IGFBP4: variants seen among roughly 807,000 people sequenced by gnomAD.
The protein encoded by IGFBP4 is insulin-like growth factor-binding protein 4.
IGFBP4 carries 9 observed loss-of-function variants against 25.8 expected under a neutral mutation model. The observed-to-expected ratio is 0.35, with a 90% CI of 0.21 to 0.61. The LOEUF (loss-of-function observed/expected upper bound fraction) is 0.61. Among genes scored for constraint, IGFBP4 ranks in the 20% least tolerant of loss-of-function variants. IGFBP4 has a pLI of 0.77. For missense variants in IGFBP4, 315 were observed against 365.3 expected, an observed-to-expected ratio of 0.86 and a Z score of 1.12; for synonymous variants, 153 against 153.9, an observed-to-expected ratio of 0.99 and a Z score of 0.05.
intron 1 of IGFBP4, among the ~76,000 whole-genome samples, chr17:40,446,457 A>C (rs1293787041): frequency 1.3e-5 from 2 of 152,034 alleles, no homozygotes; most frequent in Non-Finnish European, 2.9e-5. Context: ...CTCTACTAAA[A>C]ATACAAAAAT....
At chr17:40,445,720 G>A (rs1000041195) in intron 1 of IGFBP4, among the ~76,000 whole-genome samples, 1 of 152,234 alleles carries the variant, frequency 6.6e-6, no homozygotes, top group African/African-American at 2.4e-5. Context: ...GGCAATGGTA[G>A]AGGAGGGGTA....
At chr17:40,446,078 T>A (rs1411469883) in intron 1 of IGFBP4, among the ~76,000 whole-genome samples, 1 of 150,766 alleles carries the variant, frequency 6.6e-6, no homozygotes, top group Non-Finnish European at 1.5e-5. Flanking sequence ...GGTGTGGAGG[T>A]TCATGCTTGT....
chr17:40,454,701 G>A (rs113245111), intron 3 of IGFBP4, among the ~76,000 whole-genome samples: 1,850 of 152,304 alleles, frequency 0.012, 38 homozygotes, highest in African/African-American at 0.043. Context: ...GGGGTCCTCT[G>A]ACAAGCCTCC....
At chr17:40,452,375 TCACA>T (rs1359887335) in intron 1 of IGFBP4, among the ~76,000 whole-genome samples, 2 of 151,974 alleles carry the variant, frequency 1.3e-5, no homozygotes, top group Admixed American at 6.6e-5. Flanking sequence ...ACACACACAC[TCACA>T]CACACACTCA....
rs144635065 is a variant in IGFBP4 at position 40,445,324 on chromosome 17, C to T, written c.349+1240C>T. ...CTCTGTCTGTCTTTCTGTATCTATG[C>T]CTCTGTTTCTCATTCCATCTCCGAC... On this transcript the variant is annotated intron_variant, in intron 1 of 3. Transcript: ENST00000269593. 2.6e-5 allele frequency among the ~76,000 whole-genome samples: 4 copies of T among 152,324 alleles called. No homozygotes were observed. The East Asian group carries it at 7.7e-4, about 29-fold the overall frequency.
intron 1 of IGFBP4, among the ~76,000 whole-genome samples, chr17:40,446,580 C>T (rs796738004): frequency 1.2e-4 from 18 of 152,198 alleles, no homozygotes; most frequent in African/African-American, 4.1e-4. Flanking sequence ...TGTGCCACTG[C>T]GCTTTAGCCT....
chr17:40,454,844 C>G (rs763171995), intron 3 of IGFBP4, among the ~76,000 whole-genome samples: 5 of 152,162 alleles, frequency 3.3e-5, no homozygotes, highest in Admixed American at 6.5e-5. Context: ...GCCTGGAGCT[C>G]TTTGTCGACG....
At chr17:40,446,546 G>A (rs1055105126) in intron 1 of IGFBP4, among the ~76,000 whole-genome samples, 31 of 152,170 alleles carry the variant, frequency 2.0e-4, no homozygotes, top group Non-Finnish European at 3.2e-4. Context: ...AACCCGGGAG[G>A]TGGAGGTTGC....
At chr17:40,445,896 G>T (rs1408142454) in intron 1 of IGFBP4, among the ~76,000 whole-genome samples, 2 of 152,164 alleles carry the variant, frequency 1.3e-5, no homozygotes, top group Non-Finnish European at 2.9e-5. Context: ...AGACAGAAGA[G>T]CCCTCAAAGG....
At chr17:40,455,227 T>C (rs1451301731) in intron 3 of IGFBP4, among the ~76,000 whole-genome samples, 2 of 152,204 alleles carry the variant, frequency 1.3e-5, no homozygotes, top group Admixed American at 6.5e-5. Context: ...ACATCTTACA[T>C]TTGTTGCAAT....
rs143529403 is a variant in IGFBP4 at position 40,456,740 on chromosome 17, CGT to C, written c.*168_*169del. On this transcript the variant is annotated 3_prime_UTR_variant, in exon 4 of 4. Transcript: ENST00000269593. ...GCGTGTGCACGTGTGCGTGTGCGTG[CGT>C]GTGTGTGTGTTTGTGAGCATGGGTG... is the stretch of plus-strand genomic sequence containing the variant. 3.1e-4 allele frequency: 207 copies of C among 675,546 alleles called. No individual in the cohort carries two copies. Among genetic ancestry groups the C allele is most frequent in the East Asian group, 4.6e-4 (16 of 35,072 alleles). The allele number at this position is 675,546 out of a possible 1,614,324, so 41.8% of individuals were successfully genotyped here.
rs2035679734 is a variant in IGFBP4 at position 40,451,060 on chromosome 17, A to G, written c.350-1925A>G. Among the ~76,000 whole-genome samples the G allele has an allele frequency of 2.0e-5, 3 of 152,064 alleles. No individual in the cohort carries two copies. In the South Asian group the frequency reaches 6.2e-4, roughly 32 times the overall value. ...TCTGGTTCCTAACCGAGGGCTCAGG[A>G]TCCATCTCCTTATGGTCCCCTTGGC... is the stretch of plus-strand genomic sequence containing the variant. On this transcript the variant is annotated intron_variant, in intron 1 of 3. Coordinates refer to ENST00000269593, the MANE Select transcript of IGFBP4 (RefSeq NM_001552.3).
At chr17:40,451,563 C>G (rs1401988606) in intron 1 of IGFBP4, among the ~76,000 whole-genome samples, 1 of 152,008 alleles carries the variant, frequency 6.6e-6, no homozygotes, top group Non-Finnish European at 1.5e-5. Flanking sequence ...AACCTGCTAA[C>G]TCCTCAGGAA....
intron 1 of IGFBP4, among the ~76,000 whole-genome samples, chr17:40,449,907 C>T (rs959874547): frequency 1.3e-5 from 2 of 152,236 alleles, no homozygotes; most frequent in Non-Finnish European, 2.9e-5. Context: ...CCTGAAAACT[C>T]TTCCTCACTC....
At chr17:40,452,319 A>G (rs1006678020) in intron 1 of IGFBP4, among the ~76,000 whole-genome samples, 14 of 152,166 alleles carry the variant, frequency 9.2e-5, no homozygotes, top group Admixed American at 9.2e-4. Context: ...GACTGAAGGA[A>G]TGTGTGAGGC....
At position 40,444,002 on chromosome 17, in the gene IGFBP4, C is replaced by T; in HGVS notation, c.267C>T (p.Pro89=). Reference sequence around the variant, plus strand: ...ACCCGCCCCGAGGGGTGGAGAAGCCCCTGCACACACTGATGCACGGGCAAG... The same window carrying T: ...ACCCGCCCCGAGGGGTGGAGAAGCCTCTGCACACACTGATGCACGGGCAAG... ...RCYPPRGVEK[P]LHTLMHGQGV... is the part of the protein sequence containing the mutation. The change falls in exon 1 of 4, where the codon CCC becomes CCT. Residue 89 remains proline (P), a synonymous_variant. Coordinates refer to ENST00000269593, the MANE Select transcript of IGFBP4 (RefSeq NM_001552.3). The T allele has an allele frequency of 3.9e-6, 6 of 1,535,922 alleles. No homozygotes were observed. The highest frequency in any genetic ancestry group is 4.4e-6 in the Non-Finnish European group (5 of 1,146,678).
chr17:40,445,961 G>A (rs2035642675), intron 1 of IGFBP4, among the ~76,000 whole-genome samples: 1 of 152,084 alleles, frequency 6.6e-6, no homozygotes. Flanking sequence ...ATCCTGTAGT[G>A]GAGGAAAATA....
At chr17:40,449,335 G>A (rs1369561734) in intron 1 of IGFBP4, among the ~76,000 whole-genome samples, 1 of 152,146 alleles carries the variant, frequency 6.6e-6, no homozygotes, top group Non-Finnish European at 1.5e-5. Flanking sequence ...ACTCGTAAAA[G>A]CTCAGCACTG....
Position 40,443,620 on chromosome 17 carries a change from C to T in IGFBP4, c.-116C>T. ...CCCCGTCTCCCCGCGCCCTCCGGGT[C>T]GGGTCCTCCAGGAGCGCCAGGCGCT... On this transcript the variant is annotated 5_prime_UTR_variant, in exon 1 of 4. Coordinates refer to ENST00000269593, the MANE Select transcript of IGFBP4 (RefSeq NM_001552.3). 1 of 335,026 alleles carries T rather than the reference C, an allele frequency of 3.0e-6. No individual in the cohort carries two copies. The highest frequency in any genetic ancestry group is 4.4e-6 in the Non-Finnish European group (1 of 228,228). 20.8% of individuals were successfully genotyped at this position (335,026 alleles called of 1,614,324 possible).
Sources: gnomAD v4.1 joint callset for allele counts (sites outside exome capture counted in the v4.1 genomes callset) on GRCh38, gnomAD v4.1.1 for gene constraint, MANE v1.5 for transcripts, NCBI Gene and HGNC (gene_info 2026-07-23, HGNC 2026-07-21) for gene names.